Variants in ZDHHC20 observed in about 807,000 individuals in gnomAD.
The protein encoded by ZDHHC20 is palmitoyltransferase ZDHHC20.
A neutral mutation model predicts 57.8 loss-of-function variants in ZDHHC20; 43 were observed. The ratio of observed to expected loss-of-function variants is 0.74; its 90% confidence interval spans 0.58 to 0.96. ZDHHC20 has a LOEUF of 0.96. ZDHHC20 is among the 40% of genes least tolerant of loss of function. The probability of loss-of-function intolerance (pLI) is 0.00; values close to 1 mark genes in which losing one functional copy is unlikely to be tolerated. For synonymous variants in ZDHHC20, 157 were observed against 153.0 expected (o/e 1.03, Z -0.19); for missense variants, 391 against 441.1 (o/e 0.89, Z 1.02).
intron 1 of ZDHHC20, among the ~76,000 whole-genome samples, chr13:21,429,918 G>A (rs1881720202): frequency 6.6e-6 from 1 of 151,832 alleles, no homozygotes; most frequent in Non-Finnish European, 1.5e-5. Flanking sequence ...TTTGGCTATT[G>A]TATTTTCAGT....
chr13:21,400,286 A>G, intron 7 of ZDHHC20, 87 bp downstream of exon 7: 1 of 1,270,766 alleles, frequency 7.9e-7, no homozygotes, highest in Non-Finnish European at 1.1e-6. Flanking sequence ...AAGTATATCT[A>G]CTTGTCATAA....
At chr13:21,395,732 C>A (rs1876676153) in intron 7 of ZDHHC20, among the ~76,000 whole-genome samples, 1 of 151,790 alleles carries the variant, frequency 6.6e-6, no homozygotes, top group Admixed American at 6.6e-5. Flanking sequence ...GATCTCCTGA[C>A]CTCGTGATCC....
rs188130448 is a variant in ZDHHC20, at chr13:21,403,084, T to C, written c.371-218A>G. 3.5e-3 allele frequency among the ~76,000 whole-genome samples: 528 copies of C among 152,248 alleles called. 4 individuals are homozygous for C. The highest frequency in any genetic ancestry group is 0.014 in the Admixed American group (220 of 15,294). On this transcript the variant is annotated intron_variant, in intron 4 of 12. Transcript: ENST00000400590. ...ATCAGAATGTAGTTTGCTCAGCAAT[T>C]TTTAGATGAAAAGTAGATGCAAAGC...
At chr13:21,406,449 T>C (rs534000595) in intron 4 of ZDHHC20, among the ~76,000 whole-genome samples, 2 of 152,286 alleles carry the variant, frequency 1.3e-5, no homozygotes, top group Admixed American at 6.5e-5. Context: ...GTTTGTTACA[T>C]AGGTATACAT....
rs1885203087 is a variant in ZDHHC20 at position 21,459,277 on chromosome 13, C to G, written c.-106G>C. ...CAGGCGGCTGCTGGTCCAGCTCCCCCGCCTCCGAGGCAGGACTTGTGGGAG... is the reference window on the plus strand; with the variant it reads ...CAGGCGGCTGCTGGTCCAGCTCCCCGGCCTCCGAGGCAGGACTTGTGGGAG... On this transcript the variant is annotated 5_prime_UTR_variant, in exon 1 of 13. Coordinates refer to ENST00000400590, the MANE Select transcript of ZDHHC20 (RefSeq NM_001330059.2). The G allele has an allele frequency of 1.2e-6, 1 of 810,212 alleles. No individual in the cohort carries two copies. Among genetic ancestry groups the G allele is most frequent in the Non-Finnish European group, 1.8e-6 (1 of 542,322 alleles). The allele number at this position is 810,212 out of a possible 1,614,324, so 50.2% of individuals were successfully genotyped here.
chr13:21,399,784 T>G (rs887625559), intron 7 of ZDHHC20, among the ~76,000 whole-genome samples: 1 of 152,144 alleles, frequency 6.6e-6, no homozygotes, highest in East Asian at 1.9e-4. Context: ...CGTACCTTGT[T>G]TTTTTCACGT....
At position 21,449,729 on chromosome 13, in the gene ZDHHC20, C is replaced by G. The variant is rs549969560; in HGVS notation, c.118+9325G>C. 9.2e-5 allele frequency among the ~76,000 whole-genome samples: 14 copies of G among 151,922 alleles called. No homozygotes were observed. In the East Asian group the frequency reaches 2.7e-3, roughly 29 times the overall value. On this transcript the variant is annotated intron_variant, in intron 1 of 12. Coordinates refer to ENST00000400590, the MANE Select transcript of ZDHHC20 (RefSeq NM_001330059.2). ...ACATGATCTCAGCTCACTGCAACCT[C>G]TGCCTCCAGGGTTCAAGCGATTCTC...
intron 4 of ZDHHC20, among the ~76,000 whole-genome samples, chr13:21,410,643 G>A (rs1044667570): frequency 3.6e-4 from 55 of 152,320 alleles, no homozygotes; most frequent in Admixed American, 2.7e-3. Context: ...ACTTCCTGGC[G>A]GCTTTGTTTA....
intron 4 of ZDHHC20, among the ~76,000 whole-genome samples, chr13:21,409,214 T>C (rs923984809): frequency 2.6e-5 from 4 of 152,220 alleles, no homozygotes; most frequent in African/African-American, 9.7e-5. Flanking sequence ...TCTGGTAGAA[T>C]TTGGCTGTGA....
chr13:21,411,504 G>A lies in ZDHHC20; in HGVS notation c.370+2148C>T, dbSNP rs1439565895. Among the ~76,000 whole-genome samples, 12 of 152,178 alleles carry A rather than the reference G, an allele frequency of 7.9e-5. 1 individual carries two copies. The highest frequency in any genetic ancestry group is 7.9e-4 in the Admixed American group (12 of 15,278). ...CCCAAAGGTTAGAAAGTCATCTGTTGAAGGTTGTATGGCTAAGCGAGTGGT... is the reference window on the plus strand; with the variant it reads ...CCCAAAGGTTAGAAAGTCATCTGTTAAAGGTTGTATGGCTAAGCGAGTGGT... On this transcript the variant is annotated intron_variant, in intron 4 of 12. Coordinates refer to ENST00000400590, the MANE Select transcript of ZDHHC20 (RefSeq NM_001330059.2).
intron 2 of ZDHHC20, among the ~76,000 whole-genome samples, chr13:21,423,926 GAGAT>G (rs1003531108): frequency 6.6e-6 from 1 of 151,714 alleles, no homozygotes; most frequent in Non-Finnish European, 1.5e-5. Flanking sequence ...ATATAACTTT[GAGAT>G]AGATGGTAAC....
At chr13:21,446,472 T>C (rs1356007637) in intron 1 of ZDHHC20, among the ~76,000 whole-genome samples, 1 of 152,232 alleles carries the variant, frequency 6.6e-6, no homozygotes, top group African/African-American at 2.4e-5. Context: ...AATTAGTATG[T>C]CCATAAAAAT....
At chr13:21,383,854 A>G (rs1873936433) in intron 9 of ZDHHC20, among the ~76,000 whole-genome samples, 1 of 152,154 alleles carries the variant, frequency 6.6e-6, no homozygotes, top group Non-Finnish European at 1.5e-5. Flanking sequence ...GTCTAAAAAG[A>G]GCATACTTAT....
chr13:21,388,161 G>T (rs921439088), intron 8 of ZDHHC20, among the ~76,000 whole-genome samples: 2 of 152,150 alleles, frequency 1.3e-5, no homozygotes, highest in African/African-American at 2.4e-5. Flanking sequence ...GTGCCTCGGG[G>T]GTGCTTGTAG....
chr13:21,405,748 T>C (rs9506669), intron 4 of ZDHHC20, among the ~76,000 whole-genome samples: 24,219 of 152,244 alleles, frequency 0.16, 2,624 homozygotes, highest in Non-Finnish European at 0.25. Context: ...TCCATTTTAG[T>C]ATTTGTCTAA....
At chr13:21,425,519 T>C in intron 2 of ZDHHC20, 133 bp downstream of exon 2, 3 of 607,546 alleles carry the variant, frequency 4.9e-6, no homozygotes, top group South Asian at 4.8e-5. Context: ...CTCCTTTTAA[T>C]TACTTAAAAT....
chr13:21,407,178 T>C (rs1878566985), intron 4 of ZDHHC20, among the ~76,000 whole-genome samples: 1 of 152,102 alleles, frequency 6.6e-6, no homozygotes, highest in African/African-American at 2.4e-5. Context: ...TTTTGTTTAG[T>C]AGAGATGGGG....
At chr13:21,446,122 T>C (rs1883672292) in intron 1 of ZDHHC20, among the ~76,000 whole-genome samples, 1 of 152,172 alleles carries the variant, frequency 6.6e-6, no homozygotes, top group Non-Finnish European at 1.5e-5. Flanking sequence ...ATTTTCAACT[T>C]TGAATTTCAT....
chr13:21,410,629 G>A (rs1879067663), intron 4 of ZDHHC20, among the ~76,000 whole-genome samples: 1 of 152,198 alleles, frequency 6.6e-6, no homozygotes, highest in African/African-American at 2.4e-5. Flanking sequence ...TCTGCCCAGT[G>A]GGAACTTCCT....
Sources: allele counts gnomAD v4.1 joint callset (sites outside exome capture counted in the v4.1 genomes callset), GRCh38; gene constraint gnomAD v4.1.1; transcripts MANE v1.5; gene names NCBI Gene and HGNC (gene_info 2026-07-23, HGNC 2026-07-21).